The following NRK variants were observed in gnomAD, a reference collection of about 807,000 sequenced individuals.
NRK encodes Nik related kinase.
Under a neutral mutation model 125.2 loss-of-function variants are expected in NRK, and 67 were observed. The observed-to-expected ratio is 0.54, with a 90% confidence interval of 0.44 to 0.66. The LOEUF (loss-of-function observed/expected upper bound fraction) is 0.66, where lower values mean the gene tolerates loss of function less well. NRK is among the 30% of genes least tolerant of loss of function. NRK has a pLI of 0.00. For missense variants in NRK, 1,224 were observed against 1,192.9 expected (o/e 1.03, Z -0.38); for synonymous variants, 458 against 429.0 (o/e 1.07, Z -0.84).
chrX:105,889,903 C>T (rs1377421986), intron 5 of NRK, among the ~76,000 whole-genome samples: 2 of 112,217 alleles, frequency 1.8e-5, no homozygotes, highest in African/African-American at 6.5e-5. Flanking sequence ...GTGAAGATCT[C>T]TGACATGCTC....
chrX:105,855,689 A>T (rs903624952), intron 2 of NRK, among the ~76,000 whole-genome samples: 6 of 111,997 alleles, frequency 5.4e-5, no homozygotes, highest in African/African-American at 1.9e-4. Context: ...TTTTGCTCTG[A>T]CACTGACAGA....
At chrX:105,826,387 T>G (rs1183619342) in intron 1 of NRK, among the ~76,000 whole-genome samples, 1 of 72,782 alleles carries the variant, frequency 1.4e-5, no homozygotes, top group East Asian at 3.7e-4. Flanking sequence ...TTATCATATA[T>G]ATAATATATA....
At chrX:105,851,326 G>T (rs963711726) in intron 2 of NRK, among the ~76,000 whole-genome samples, 3 of 112,157 alleles carry the variant, frequency 2.7e-5, no homozygotes, top group Non-Finnish European at 5.6e-5. Context: ...GTCAGAAAGG[G>T]TTTATTACTT....
At chrX:105,893,591 T>C (rs1182215759) in intron 5 of NRK, among the ~76,000 whole-genome samples, 1 of 111,987 alleles carries the variant, frequency 8.9e-6, no homozygotes, top group Non-Finnish European at 1.9e-5. Flanking sequence ...AAACCCCAAC[T>C]TCCAGTTAAA....
At chrX:105,940,404 A>C (rs773076055) in intron 23 of NRK, among the ~76,000 whole-genome samples, 2 of 110,136 alleles carry the variant, frequency 1.8e-5, no homozygotes, top group Non-Finnish European at 3.8e-5. Context: ...AGCTTCAGCT[A>C]TATAAATGGT....
At chrX:105,902,224 T>C (rs990065304) in intron 9 of NRK, among the ~76,000 whole-genome samples, 1 of 110,945 alleles carries the variant, frequency 9.0e-6, no homozygotes, top group Non-Finnish European at 1.9e-5. Flanking sequence ...GCAAGCTTCT[T>C]ACAAAAGATA....
chrX:105,832,247 A>C (rs1297661801), intron 2 of NRK, among the ~76,000 whole-genome samples: 1 of 111,515 alleles, frequency 9.0e-6, no homozygotes, highest in Non-Finnish European at 1.9e-5. Context: ...TTAAACTGAT[A>C]TCAGAAGGAT....
At position 105,942,915 on chromosome X, in the gene NRK, G is replaced by A. The variant is rs182389593; in HGVS notation, c.3959-1026G>A. Among the ~76,000 whole-genome samples the A allele has an allele frequency of 5.8e-3, 642 of 111,411 alleles. 13 individuals are homozygous for A. The highest frequency in any genetic ancestry group is 4.7e-3 in the Middle Eastern group (1 of 215). On this transcript the variant is annotated intron_variant, in intron 23 of 28. Transcript: ENST00000243300. ...ACTGGGATTGCAGGCGTGAGCCACT[G>A]TGCCCGGCCCATATACTAGACTCTC... is the stretch of plus-strand genomic sequence containing the variant.
At chrX:105,867,562 T>A (rs1205735455) in intron 2 of NRK, among the ~76,000 whole-genome samples, 1 of 112,300 alleles carries the variant, frequency 8.9e-6, no homozygotes, top group Non-Finnish European at 1.9e-5. Flanking sequence ...AGACTGCATT[T>A]GTGCCTGCAT....
chrX:105,929,784 A>C (rs1283092476), intron 19 of NRK, among the ~76,000 whole-genome samples: 1 of 111,544 alleles, frequency 9.0e-6, no homozygotes, highest in Non-Finnish European at 1.9e-5. Flanking sequence ...GTGGTGATGA[A>C]TTCCTCTGCT....
chrX:105,839,366 T>C (rs754068427), intron 2 of NRK, among the ~76,000 whole-genome samples: 4 of 111,427 alleles, frequency 3.6e-5, no homozygotes, highest in African/African-American at 1.3e-4. Flanking sequence ...CATTTCATTA[T>C]ACATTGCAAG....
At chrX:105,825,415 G>T (rs1039866354) in intron 1 of NRK, among the ~76,000 whole-genome samples, 1 of 112,115 alleles carries the variant, frequency 8.9e-6, no homozygotes, top group African/African-American at 3.2e-5. Context: ...AAACATTGGA[G>T]TTGCAAACTG....
chrX:105,926,128 T>A (rs772775703), intron 19 of NRK, among the ~76,000 whole-genome samples: 2 of 111,801 alleles, frequency 1.8e-5, no homozygotes, highest in East Asian at 5.6e-4. Flanking sequence ...TATGTTTTGA[T>A]AATAACCATT....
intron 23 of NRK, among the ~76,000 whole-genome samples, chrX:105,941,045 C>T (rs976103241): frequency 9.0e-6 from 1 of 111,619 alleles, no homozygotes; most frequent in East Asian, 2.8e-4. Context: ...CACTACTTCC[C>T]TCCAAATCAT....
intron 2 of NRK, among the ~76,000 whole-genome samples, chrX:105,878,821 A>G (rs1239117448): frequency 9.0e-6 from 1 of 111,664 alleles, no homozygotes; most frequent in African/African-American, 3.2e-5. Flanking sequence ...AGTCAAGCAC[A>G]TTACCTTGCT....
At chrX:105,833,490 T>G (rs1229364679) in intron 2 of NRK, among the ~76,000 whole-genome samples, 2 of 110,995 alleles carry the variant, frequency 1.8e-5, no homozygotes, top group Non-Finnish European at 3.8e-5. Context: ...CTGATTCAAA[T>G]GTATAGAGCC....
Position 105,908,834 on chromosome X carries a change from G to A in NRK, c.1193G>A (p.Arg398Gln), listed in dbSNP as rs1228077451. ...TCTCAGCCAAGGTGGCTACCTGATCGAGAAGAGCCACAGGTCCAGGCACTT... is the reference window on the plus strand; with the variant it reads ...TCTCAGCCAAGGTGGCTACCTGATCAAGAAGAGCCACAGGTCCAGGCACTT... ...EPSQPRWLPD[R>Q]EEPQVQALQQ... Residue 398 changes from arginine to glutamine, a missense_variant, in exon 13 of 29, where the codon CGA becomes CAA. Arg to Gln is a conservative substitution (Grantham distance 43). Transcript: ENST00000243300. 6.6e-6 allele frequency: 8 copies of A among 1,207,781 alleles called. No homozygotes were observed. In the Admixed American group the frequency reaches 1.1e-4, roughly 17 times the overall value.
intron 4 of NRK, among the ~76,000 whole-genome samples, chrX:105,886,828 A>G (rs2039953560): frequency 9.0e-6 from 1 of 111,017 alleles, no homozygotes; most frequent in Admixed American, 9.7e-5. Context: ...CACAGAACAA[A>G]CCAATACCTT....
intron 1 of NRK, among the ~76,000 whole-genome samples, chrX:105,828,730 A>G (rs1183999535): frequency 8.9e-6 from 1 of 111,863 alleles, no homozygotes; most frequent in East Asian, 2.8e-4. Flanking sequence ...TCTTCAAGTC[A>G]GTCCCTAGTA....
Sources: gnomAD v4.1 joint callset for allele counts (sites outside exome capture counted in the v4.1 genomes callset) on GRCh38, gnomAD v4.1.1 for gene constraint, MANE v1.5 for transcripts, NCBI Gene and HGNC (gene_info 2026-07-23, HGNC 2026-07-21) for gene names.